The following USP49 variants were observed in gnomAD, a reference collection of about 807,000 sequenced individuals.
The protein encoded by USP49 is ubiquitin specific peptidase 49.
A neutral mutation model predicts 58.6 loss-of-function variants in USP49; 24 were observed. The observed-to-expected ratio is 0.41, with a 90% CI of 0.30 to 0.58. The LOEUF (loss-of-function observed/expected upper bound fraction) is 0.58, where lower values mean the gene tolerates loss of function less well. Among genes scored for constraint, USP49 ranks in the 20% least tolerant of loss-of-function variants. USP49 has a pLI of 0.30. For synonymous variants in USP49, 408 were observed against 365.1 expected (o/e 1.12, Z -1.34); for missense variants, 703 against 866.1 (o/e 0.81, Z 2.36).
intron 3 of USP49, among the ~76,000 whole-genome samples, chr6:41,862,804 C>A (rs1284482463): frequency 6.6e-6 from 1 of 152,092 alleles, no homozygotes; most frequent in African/African-American, 2.4e-5. Context: ...GAGACAGAGT[C>A]ACTCTGTCGC....
chr6:41,883,561 T>C (rs1267715309), intron 2 of USP49, among the ~76,000 whole-genome samples: 3 of 151,946 alleles, frequency 2.0e-5, no homozygotes, highest in South Asian at 4.2e-4. Context: ...GGCAGGAGAA[T>C]AGCTGGAACC....
intron 2 of USP49, among the ~76,000 whole-genome samples, chr6:41,888,688 A>C (rs1015443100): frequency 1.1e-4 from 16 of 152,010 alleles, no homozygotes; most frequent in African/African-American, 3.9e-4. Flanking sequence ...CCTGACCTCA[A>C]GTGATCCACC....
chr6:41,806,618 C>G lies in USP49; in HGVS notation c.366G>C (p.Ser122=), dbSNP rs142274519. ...RRGRTLRSMA[S]GEDVVLPQRA... ...GCTGCGGCAGGACCACGTCCTCACC[C>G]GAAGCCATGGACCGCAGCGTCCGCC... Residue 122 remains serine, a synonymous_variant, in exon 4 of 8, where the codon TCG becomes TCC. Coordinates refer to ENST00000682992, the MANE Select transcript of USP49 (RefSeq NM_001286554.2). The surrounding 1 kb of genome is among the most constrained non-coding windows in gnomAD (Gnocchi z 5.9). 12 of 1,610,982 alleles carry G rather than the reference C, an allele frequency of 7.4e-6. No homozygotes were observed. Among genetic ancestry groups the G allele is most frequent in the Admixed American group, 5.0e-5 (3 of 59,944 alleles).
chr6:41,873,811 C>T (rs1317791098), intron 2 of USP49, among the ~76,000 whole-genome samples: 1 of 152,142 alleles, frequency 6.6e-6, no homozygotes, highest in African/African-American at 2.4e-5. Flanking sequence ...TCAATAATTA[C>T]GATGGTGATC....
intron 5 of USP49, among the ~76,000 whole-genome samples, chr6:41,802,039 A>T (rs540870106): frequency 1.7e-4 from 25 of 148,002 alleles, no homozygotes; most frequent in East Asian, 7.9e-4. Flanking sequence ...TTTTTTTTTT[A>T]AATATTACTC....
chr6:41,806,315 G>A lies in USP49; in HGVS notation c.669C>T (p.Ala223=), dbSNP rs1773125088. The A allele has an allele frequency of 3.2e-6, 5 of 1,565,998 alleles. No individual in the cohort carries two copies. Among genetic ancestry groups the A allele is most frequent in the Non-Finnish European group, 4.3e-6 (5 of 1,163,540 alleles). The part of the protein sequence containing the change: ...LHTPRDAGPA[A]SRPAALPTSR... ...AGGTAGGGAGGGCGGCGGGGCGCGA[G>A]GCAGCCGGGCCCGCGTCGCGGGGCG... Residue 223 remains alanine, a synonymous_variant, in exon 4 of 8, where the codon GCC becomes GCT. Transcript: ENST00000682992. This position sits in a 1 kb window ranked among gnomAD's most constrained non-coding sequence, Gnocchi z 5.9.
At chr6:41,840,993 A>C (rs1164967458) in intron 3 of USP49, among the ~76,000 whole-genome samples, 1 of 151,848 alleles carries the variant, frequency 6.6e-6, no homozygotes, top group Non-Finnish European at 1.5e-5. Context: ...TGACAGAGCA[A>C]GATCCTTGTA....
At chr6:41,807,827 G>C (rs1773169880) in intron 3 of USP49, among the ~76,000 whole-genome samples, 1 of 151,330 alleles carries the variant, frequency 6.6e-6, no homozygotes, top group Admixed American at 6.6e-5. Flanking sequence ...AGGATGGAGT[G>C]TAGTGGTGCA....
rs893812096 is a variant in USP49 at position 41,791,722 on chromosome 6, GGT to G, written c.*4809_*4810del. On this transcript the variant is annotated 3_prime_UTR_variant, in exon 8 of 8. Transcript: ENST00000682992. ...CCTGCCACAATGCTATAGTAGCTATGGTGTATTTAGTGCAGAGTGTGGGATGA... is the reference window on the plus strand; with the variant it reads ...CCTGCCACAATGCTATAGTAGCTATGGTATTTAGTGCAGAGTGTGGGATGA... 13 of 152,158 alleles carry G rather than the reference GGT, an allele frequency of 8.5e-5. No individual in the cohort carries two copies. The highest frequency in any genetic ancestry group is 3.1e-4 in the African/African-American group (13 of 41,430). 9.4% of individuals were successfully genotyped at this position (152,158 alleles called of 1,614,324 possible).
chr6:41,825,759 C>G (rs1162154671), intron 3 of USP49, among the ~76,000 whole-genome samples: 3 of 152,004 alleles, frequency 2.0e-5, no homozygotes, highest in Admixed American at 1.3e-4. Context: ...TTATTTTTGT[C>G]TTTTTTCCCT....
rs768885820 is a variant in USP49, at chr6:41,799,941, A to G, written c.1562-3T>C. The G allele has an allele frequency of 1.9e-5, 30 of 1,613,862 alleles. No homozygotes were observed. Among genetic ancestry groups the G allele is most frequent in the African/African-American group, 4.0e-5 (3 of 75,048 alleles). On this transcript the variant is annotated splice_polypyrimidine_tract_variant and splice_region_variant and intron_variant, in intron 5 of 7. Coordinates refer to ENST00000682992, the MANE Select transcript of USP49 (RefSeq NM_001286554.2). ...GGGATTGGATTTTCGTCGTTTGCCTATGTGGTTTGGGAAGGTATAAGACAT... is the reference window on the plus strand; with the variant it reads ...GGGATTGGATTTTCGTCGTTTGCCTGTGTGGTTTGGGAAGGTATAAGACAT...
intron 3 of USP49, among the ~76,000 whole-genome samples, chr6:41,833,186 T>C (rs1773666821): frequency 1.3e-5 from 2 of 151,080 alleles, no homozygotes; most frequent in African/African-American, 4.9e-5. Flanking sequence ...CCGGCGAATT[T>C]TTTGTATTTT....
At chr6:41,829,062 GTTT>G (rs571453042) in intron 3 of USP49, among the ~76,000 whole-genome samples, 136 of 152,072 alleles carry the variant, frequency 8.9e-4, no homozygotes, top group African/African-American at 3.3e-3. Flanking sequence ...ATACTTTATA[GTTT>G]TTTTGTGGCT....
At chr6:41,870,233 T>C (rs1478464503) in intron 3 of USP49, among the ~76,000 whole-genome samples, 2 of 152,214 alleles carry the variant, frequency 1.3e-5, no homozygotes, top group Non-Finnish European at 2.9e-5. Flanking sequence ...TGCTAAGAGA[T>C]AGCATTTTAT....
intron 3 of USP49, among the ~76,000 whole-genome samples, chr6:41,827,392 G>A (rs1773558026): frequency 6.6e-6 from 1 of 152,162 alleles, no homozygotes; most frequent in Non-Finnish European, 1.5e-5. Context: ...GGGCACAGTG[G>A]CTCACGCCTG....
At chr6:41,833,867 T>C (rs759013782) in intron 3 of USP49, among the ~76,000 whole-genome samples, 1 of 152,216 alleles carries the variant, frequency 6.6e-6, no homozygotes, top group Non-Finnish European at 1.5e-5. Flanking sequence ...ATTTCAAATC[T>C]GTCTTGGCAG....
At chr6:41,828,734 CA>C (rs1210629762) in intron 3 of USP49, among the ~76,000 whole-genome samples, 1 of 152,116 alleles carries the variant, frequency 6.6e-6, no homozygotes, top group African/African-American at 2.4e-5. Flanking sequence ...TCATATGACG[CA>C]TCTTATAATT....
chr6:41,882,619 C>T (rs1279342249), intron 2 of USP49, among the ~76,000 whole-genome samples: 3 of 114,750 alleles, frequency 2.6e-5, no homozygotes, highest in African/African-American at 6.5e-5. Flanking sequence ...AATTTCCATT[C>T]GGTAAAGAAC....
intron 2 of USP49, among the ~76,000 whole-genome samples, chr6:41,891,398 T>C (rs1001125026): frequency 6.6e-6 from 1 of 152,218 alleles, no homozygotes; most frequent in Non-Finnish European, 1.5e-5. Flanking sequence ...GGGCAAATCA[T>C]TTAATCTCAA....
Sources: gnomAD v4.1 joint callset for allele counts (sites outside exome capture counted in the v4.1 genomes callset) on GRCh38, gnomAD v4.1.1 for gene constraint, Gnocchi (gnomAD v3.1) non-coding constraint, MANE v1.5 for transcripts, NCBI Gene and HGNC (gene_info 2026-07-23, HGNC 2026-07-21) for gene names.